The following ZNF827 variants were observed in gnomAD, a reference collection of about 807,000 sequenced individuals.
The protein encoded by ZNF827 is zinc finger protein 827.
In ZNF827, 13 loss-of-function variants were observed where a neutral mutation model predicts 102.4. The ratio of observed to expected loss-of-function variants is 0.13; its 90% CI spans 0.08 to 0.20. The LOEUF (loss-of-function observed/expected upper bound fraction) is 0.20, where lower values mean the gene tolerates loss of function less well. Among genes scored for constraint, ZNF827 ranks in the 10% least tolerant of loss-of-function variants. The pLI is 1.00. For missense variants in ZNF827, 1,103 were observed against 1,344.4 expected (o/e 0.82, Z 2.81); for synonymous variants, 523 against 536.2 (o/e 0.98, Z 0.34).
intron 4 of ZNF827, among the ~76,000 whole-genome samples, chr4:145,880,394 A>G (rs1382304194): frequency 6.6e-6 from 1 of 152,246 alleles, no homozygotes; most frequent in Non-Finnish European, 1.5e-5. Context: ...TATTAAACAA[A>G]GTAAAAATAA....
intron 1 of ZNF827, among the ~76,000 whole-genome samples, chr4:145,923,513 G>C (rs2126970523): frequency 6.6e-6 from 1 of 151,858 alleles, no homozygotes; most frequent in South Asian, 2.1e-4. Context: ...CAGCTACTTG[G>C]GAGGCTGAGG....
At chr4:145,927,705 ATGGTCCAGCCCT>A (rs1753529278) in intron 1 of ZNF827, among the ~76,000 whole-genome samples, 1 of 152,204 alleles carries the variant, frequency 6.6e-6, no homozygotes, top group South Asian at 2.1e-4. Flanking sequence ...AGACCATCAA[ATGGTCCAGCCCT>A]TGGTAGTGCT....
intron 2 of ZNF827, among the ~76,000 whole-genome samples, chr4:145,896,197 C>CCTG (rs1265171937): frequency 6.6e-6 from 1 of 152,086 alleles, no homozygotes; most frequent in Non-Finnish European, 1.5e-5. Flanking sequence ...CTAAACATGC[C>CCTG]CTGCAAAGCT....
chr4:145,900,839 C>T (rs1751354003), intron 2 of ZNF827, among the ~76,000 whole-genome samples: 1 of 152,038 alleles, frequency 6.6e-6, no homozygotes, highest in South Asian at 2.1e-4. Flanking sequence ...TCCTTGTTTC[C>T]TAATTTTACC....
At chr4:145,878,621 A>AAAGGAAAGGT in intron 4 of ZNF827, among the ~76,000 whole-genome samples, 1 of 138,362 alleles carries the variant, frequency 7.2e-6, no homozygotes, top group African/African-American at 2.9e-5. Context: ...AAAGGAAAGG[A>AAAGGAAAGGT]AAGGAAAGGA....
rs1734237181 is a variant in ZNF827 at position 145,759,592 on chromosome 4, T to C, written c.*2024A>G. ...CATAGGACTAAACAGCACCTTTTTGTTGCGTCATTATATGTCAAAGAGGTT... is the reference window on the plus strand; with the variant it reads ...CATAGGACTAAACAGCACCTTTTTGCTGCGTCATTATATGTCAAAGAGGTT... On this transcript the variant is annotated 3_prime_UTR_variant, in exon 15 of 15. Coordinates refer to ENST00000508784, the MANE Select transcript of ZNF827 (RefSeq NM_001306215.2). The C allele has an allele frequency of 6.6e-6, 1 of 152,218 alleles. No individual in the cohort carries two copies. Among genetic ancestry groups the C allele is most frequent in the Admixed American group, 6.5e-5 (1 of 15,284 alleles). The allele number at this position is 152,218 out of a possible 1,614,324, so 9.4% of individuals were successfully genotyped here.
At chr4:145,812,559 G>A (rs1234123483) in intron 8 of ZNF827, among the ~76,000 whole-genome samples, 4 of 150,132 alleles carry the variant, frequency 2.7e-5, no homozygotes, top group East Asian at 2.0e-4. Context: ...ATGGTGTCTC[G>A]CTCTGTCACC....
chr4:145,831,063 T>C (rs1376953267), intron 7 of ZNF827: 1 of 152,218 alleles, frequency 6.6e-6, no homozygotes, highest in East Asian at 1.9e-4. Context: ...CGCATGAACA[T>C]TGCCCTTCCC....
intron 5 of ZNF827, among the ~76,000 whole-genome samples, chr4:145,855,318 A>G (rs1001644273): frequency 2.0e-5 from 3 of 152,206 alleles, no homozygotes; most frequent in Non-Finnish European, 4.4e-5. Flanking sequence ...TTTCAATGGG[A>G]TAAATCAAAA....
Position 145,798,300 on chromosome 4 carries a change from G to C in ZNF827, c.2384-18789C>G, listed in dbSNP as rs555682488. Among the ~76,000 whole-genome samples the C allele has an allele frequency of 8.5e-4, 129 of 152,350 alleles. 2 individuals are homozygous for C. Among genetic ancestry groups the C allele is most frequent in the African/African-American group, 3.0e-3 (123 of 41,586 alleles). ...TGAAATGACCTAAGAATGAATATGT[G>C]TGGTTTAGGGGCCAAGCTACCCTGA... On this transcript the variant is annotated intron_variant, in intron 8 of 14. Transcript: ENST00000508784.
intron 8 of ZNF827, among the ~76,000 whole-genome samples, chr4:145,798,024 T>A (rs2127091399): frequency 6.6e-6 from 1 of 152,334 alleles, no homozygotes; most frequent in African/African-American, 2.4e-5. Flanking sequence ...GGATACAGAA[T>A]CATCCTACTA....
intron 8 of ZNF827, among the ~76,000 whole-genome samples, chr4:145,786,218 T>C (rs1738838695): frequency 6.6e-6 from 1 of 152,180 alleles, no homozygotes; most frequent in Admixed American, 6.5e-5. Context: ...TTTGACCCTA[T>C]ATTTGGTGTA....
intron 1 of ZNF827, among the ~76,000 whole-genome samples, chr4:145,929,034 G>A (rs1193996401): frequency 6.6e-6 from 1 of 152,194 alleles, no homozygotes; most frequent in Non-Finnish European, 1.5e-5. Flanking sequence ...ATTTTTATAT[G>A]AAACCTCCGA....
At chr4:145,851,904 C>T (rs190664300) in intron 5 of ZNF827, among the ~76,000 whole-genome samples, 72 of 152,326 alleles carry the variant, frequency 4.7e-4, no homozygotes, top group South Asian at 8.3e-4. Context: ...AACTGATCTT[C>T]CTCCCTCAAG....
intron 5 of ZNF827, among the ~76,000 whole-genome samples, chr4:145,861,570 T>C (rs901603770): frequency 4.6e-5 from 7 of 152,220 alleles, no homozygotes; most frequent in Non-Finnish European, 7.3e-5. Context: ...GTAACATCTG[T>C]AGTCATTTAT....
At chr4:145,845,898 A>G (rs557683824) in intron 7 of ZNF827, 58 bp downstream of exon 7, 2 of 1,563,740 alleles carry the variant, frequency 1.3e-6, no homozygotes, top group East Asian at 2.2e-5. Context: ...TTCAACATGT[A>G]GTACGGGCTG....
At chr4:145,920,646 T>C (rs1752998836) in intron 1 of ZNF827, among the ~76,000 whole-genome samples, 1 of 152,252 alleles carries the variant, frequency 6.6e-6, no homozygotes, top group Non-Finnish European at 1.5e-5. Flanking sequence ...CAGCAGGAGA[T>C]GGTCTCTAAA....
intron 7 of ZNF827, among the ~76,000 whole-genome samples, chr4:145,826,148 G>A (rs1208103755): frequency 6.6e-6 from 1 of 152,208 alleles, no homozygotes; most frequent in Non-Finnish European, 1.5e-5. Flanking sequence ...GTTTTGCAGA[G>A]AGTTTGGAAT....
At chr4:145,805,170 T>C (rs1015386451) in intron 8 of ZNF827, among the ~76,000 whole-genome samples, 2 of 151,576 alleles carry the variant, frequency 1.3e-5, no homozygotes, top group Non-Finnish European at 2.9e-5. Flanking sequence ...TGCATTTGTG[T>C]GAAGCAAAAT....
Sources: allele counts gnomAD v4.1 joint callset (sites outside exome capture counted in the v4.1 genomes callset), GRCh38; gene constraint gnomAD v4.1.1; transcripts MANE v1.5; gene names NCBI Gene and HGNC (gene_info 2026-07-23, HGNC 2026-07-21).